The following TRPM1 variants were observed in gnomAD, a reference collection of about 807,000 sequenced individuals.
TRPM1 encodes the protein transient receptor potential cation channel subfamily M member 1, also known as TRPM1-203 APA Isoform, Intron 10.
TRPM1 carries 113 observed loss-of-function variants against 149.4 expected under a neutral mutation model. That is an observed-to-expected ratio of 0.76 (90% CI 0.65 to 0.88). The LOEUF (loss-of-function observed/expected upper bound fraction) is 0.88. Ranked by LOEUF, TRPM1 falls within the 40% of genes least tolerant of loss-of-function variation. The pLI, the probability that TRPM1 is intolerant of heterozygous loss-of-function variation, is 0.00. For synonymous variants in TRPM1, 741 were observed against 759.5 expected, an observed-to-expected ratio of 0.98 and a Z score of 0.40; for missense variants, 1,976 against 2,038.7, an observed-to-expected ratio of 0.97 and a Z score of 0.59.
In TRPM1 at chr15:31,068,027, C is replaced by G. The variant is rs767868813; in HGVS notation, c.345G>C (p.Gln115His). ...SLLHLMVKDW[Q>H]LELPKLLISV... ...ATATTAAGAGCTTGGGGAGTTCCAG[C>G]TGCCAATCTTTCACCATGAGATGGA... Residue 115 changes from glutamine (Q) to histidine (H), a missense_variant, in exon 5 of 28, where the codon CAG becomes CAC. Physicochemically the swap from Gln to His is conservative, Grantham distance 24. Transcript: ENST00000256552. 6.2e-7 allele frequency: 1 copy of G among 1,614,210 alleles called. No homozygotes were observed. The highest frequency in any genetic ancestry group is 1.7e-5 in the Admixed American group (1 of 60,030).
chr15:31,160,406 C>T (rs35436576), intron 1 of TRPM1, among the ~76,000 whole-genome samples: 20,641 of 152,208 alleles, frequency 0.14, 1,644 homozygotes, highest in Admixed American at 0.22. Context: ...CTGGCCCTCC[C>T]TCCTGTTAGA....
At chr15:31,025,222 C>G (rs559691810) in intron 27 of TRPM1, among the ~76,000 whole-genome samples, 9 of 152,352 alleles carry the variant, frequency 5.9e-5, no homozygotes, top group Admixed American at 5.2e-4. Flanking sequence ...GCTCATCCTT[C>G]TGGCCACGTT....
At chr15:31,117,958 A>G (rs758292733) in intron 1 of TRPM1, among the ~76,000 whole-genome samples, 3 of 152,204 alleles carry the variant, frequency 2.0e-5, no homozygotes, top group Non-Finnish European at 4.4e-5. Flanking sequence ...AGATTGTGGA[A>G]CAGTTAAAAA....
intron 1 of TRPM1, among the ~76,000 whole-genome samples, chr15:31,095,434 C>T (rs1358715247): frequency 6.6e-6 from 1 of 152,150 alleles, no homozygotes; most frequent in East Asian, 1.9e-4. Flanking sequence ...TCTGTAATCC[C>T]AGCACTTTGG....
Position 31,042,058 on chromosome 15 carries a change from G to T in TRPM1, c.1980C>A (p.Ser660Arg), listed in dbSNP as rs1434374874. The T allele has an allele frequency of 6.2e-7, 1 of 1,614,092 alleles. No homozygotes were observed. Among genetic ancestry groups the T allele is most frequent in the Non-Finnish European group, 8.5e-7 (1 of 1,179,950 alleles). Residue 660 changes from serine to arginine, a missense_variant, in exon 17 of 28, where the codon AGC becomes AGA. Physicochemically the swap from Ser to Arg is moderately radical, Grantham distance 110. Coordinates refer to ENST00000256552, the MANE Select transcript of TRPM1 (RefSeq NM_001252024.2). ...TGCAGGCCACCAGGGCCTTGGCCAT[G>T]CTCTCTTCCCCTCGCTGCCAGAGGA... is the stretch of plus-strand genomic sequence containing the variant. ...AVFLWQRGEE[S>R]MAKALVACKL...
Position 31,070,432 on chromosome 15 carries a change from A to C in TRPM1, c.84-206T>G, listed in dbSNP as rs969660949. On this transcript the variant is annotated intron_variant, in intron 3 of 27. Coordinates refer to ENST00000256552, the MANE Select transcript of TRPM1 (RefSeq NM_001252024.2). Reference sequence around the variant, plus strand: ...TGCACATCTCTTTATATGCCAGTCGATTTTAGACACATTGGATGGTTGCTC... The same window carrying C: ...TGCACATCTCTTTATATGCCAGTCGCTTTTAGACACATTGGATGGTTGCTC... The C allele has an allele frequency of 2.1e-5, 15 of 706,906 alleles. 1 individual carries two copies. Among genetic ancestry groups the C allele is most frequent in the Admixed American group, 4.0e-5 (2 of 49,928 alleles). The allele number at this position is 706,906 out of a possible 1,614,324, so 43.8% of individuals were successfully genotyped here.
intron 13 of TRPM1, 55 bp downstream of exon 13, chr15:31,049,320 C>T: frequency 6.2e-7 from 1 of 1,613,110 alleles, no homozygotes; most frequent in South Asian, 1.1e-5. Flanking sequence ...GCACCAGTGA[C>T]AAACACATTT....
intron 6 of TRPM1, among the ~76,000 whole-genome samples, chr15:31,066,735 C>G (rs1264637743): frequency 3.3e-5 from 5 of 152,120 alleles, no homozygotes; most frequent in African/African-American, 1.2e-4. Context: ...ATTTACAGAA[C>G]CTTCTTGAAA....
chr15:31,048,865 T>C (rs2033856962), intron 13 of TRPM1, among the ~76,000 whole-genome samples: 1 of 152,186 alleles, frequency 6.6e-6, no homozygotes, highest in Admixed American at 6.5e-5. Flanking sequence ...TGAGGATCAT[T>C]TCTGCTACTT....
At chr15:31,096,276 G>A (rs1353131140) in intron 1 of TRPM1, among the ~76,000 whole-genome samples, 1 of 152,092 alleles carries the variant, frequency 6.6e-6, no homozygotes, top group East Asian at 1.9e-4. Context: ...TAAAACACAA[G>A]GATCTGCTTT....
chr15:31,061,486 C>A lies in TRPM1; in HGVS notation c.1118G>T (p.Gly373Val), dbSNP rs542693505. The change falls in exon 10 of 28, where the codon GGC (glycine) becomes GTC (valine). Residue 373 changes from glycine (G) to valine (V), a missense_variant. By Grantham distance (109) the Gly-to-Val change is moderately radical. Around this residue, in one of 3 missense-constraint regions of TRPM1, gnomAD observed 1,332 missense variants for 1,347.1 expected, o/e 0.99. Transcript: ENST00000256552. ...LVTVFRMGSEGQQDIEMAILT... is the reference protein window; with the variant it reads ...LVTVFRMGSEVQQDIEMAILT... ...AATTGCCATCTCGATGTCCTGCTGG[C>A]CCTCAGAACCCATTCTGAACACAGT... is the stretch of plus-strand genomic sequence containing the variant. 3.1e-6 allele frequency: 5 copies of A among 1,614,060 alleles called. No homozygotes were observed. In the South Asian group the frequency reaches 5.5e-5, roughly 18 times the overall value.
At position 31,035,591 on chromosome 15, in the gene TRPM1, G is replaced by A. The variant is rs191482546; in HGVS notation, c.2655C>T (p.Ile885=). 8.1e-6 allele frequency: 13 copies of A among 1,614,184 alleles called. No individual in the cohort carries two copies. Among genetic ancestry groups the A allele is most frequent in the African/African-American group, 4.0e-5 (3 of 75,062 alleles). ...MDGWPSLQEW[I]VISYIVSLAL... ...CCAGGCTCACGATGTAGGAGATGAC[G>A]ATCCACTCCTGGAGGGACGGCCAGC... The change falls in exon 21 of 28, where the codon ATC becomes ATT. Residue 885 remains isoleucine (I), a synonymous_variant. Coordinates refer to ENST00000256552, the MANE Select transcript of TRPM1 (RefSeq NM_001252024.2).
intron 1 of TRPM1, among the ~76,000 whole-genome samples, chr15:31,088,773 G>A (rs537496252): frequency 1.9e-3 from 285 of 146,880 alleles, no homozygotes; most frequent in African/African-American, 6.7e-3. Flanking sequence ...TCCCAACCAT[G>A]GTATCAAACA....
intron 1 of TRPM1, among the ~76,000 whole-genome samples, chr15:31,135,255 T>C (rs1039236584): frequency 3.9e-5 from 6 of 152,070 alleles, no homozygotes; most frequent in Non-Finnish European, 8.8e-5. Context: ...ACATGTGCAC[T>C]CAAGCAGAGA....
intron 27 of TRPM1, among the ~76,000 whole-genome samples, chr15:31,016,764 G>A (rs1267194607): frequency 6.6e-6 from 1 of 152,058 alleles, no homozygotes; most frequent in Non-Finnish European, 1.5e-5. Context: ...TACAATATTT[G>A]CTCTGTCCTT....
At chr15:31,111,764 C>G (rs2035692475) in intron 1 of TRPM1, among the ~76,000 whole-genome samples, 1 of 152,140 alleles carries the variant, frequency 6.6e-6, no homozygotes, top group African/African-American at 2.4e-5. Context: ...CCTCTTAGAA[C>G]GGGAGAGCTC....
chr15:31,124,654 C>CAAAAAAAAAAAAAAAAAAAAAAAAAA (rs57964365), intron 1 of TRPM1, among the ~76,000 whole-genome samples: 1 of 86,416 alleles, frequency 1.2e-5, no homozygotes, highest in Non-Finnish European at 2.3e-5. Context: ...GACTCTGTCT[C>CAAAAAAAAAAAAAAAAAAAAAAAAAA]AAAAAAAAAA....
intron 1 of TRPM1, among the ~76,000 whole-genome samples, chr15:31,125,556 T>C (rs12907318): frequency 0.55 from 79,814 of 145,976 alleles, 22,931 homozygotes; most frequent in African/African-American, 0.69. Flanking sequence ...CGGTGAAACC[T>C]CGTCTCTACT....
chr15:31,047,723 G>T (rs551463128), intron 14 of TRPM1, among the ~76,000 whole-genome samples, 166 bp downstream of exon 14: 51 of 152,308 alleles, frequency 3.3e-4, no homozygotes, highest in Admixed American at 4.6e-4. Flanking sequence ...ACTTAAAAAA[G>T]ATTATCCTTT....
Sources: gnomAD v4.1 joint callset for allele counts (sites outside exome capture counted in the v4.1 genomes callset) on GRCh38, gnomAD v4.1.1 for gene constraint, gnomAD v4.1.1 regional missense constraint, MANE v1.5 for transcripts, NCBI Gene and HGNC (gene_info 2026-07-23, HGNC 2026-07-21) for gene names.